WDR27: variants seen among roughly 807,000 people sequenced by gnomAD.
WDR27 encodes WD repeat domain 27.
Under a neutral mutation model 114.4 loss-of-function variants are expected in WDR27, and 100 were observed. That is an observed-to-expected ratio of 0.87 (90% confidence interval 0.74 to 1.03). The LOEUF (loss-of-function observed/expected upper bound fraction) is 1.03. Among genes scored for constraint, WDR27 ranks in the 50% least tolerant of loss-of-function variants. WDR27 has a pLI of 0.00. For synonymous variants in WDR27, 449 were observed against 423.1 expected, an observed-to-expected ratio of 1.06 and a Z score of -0.75; for missense variants, 1,129 against 1,092.9, an observed-to-expected ratio of 1.03 and a Z score of -0.47.
At chr6:169,449,403 A>G in the WDR27 span, among the ~76,000 whole-genome samples, 1 of 152,208 alleles carries the variant, frequency 6.6e-6, no homozygotes, top group Non-Finnish European at 1.5e-5. Flanking sequence ...TATGGAGACA[A>G]AGGAAAATTG....
chr6:169,560,417 AT>A (rs906671028), intron 25 of WDR27, among the ~76,000 whole-genome samples: 1 of 152,190 alleles, frequency 6.6e-6, no homozygotes, highest in African/African-American at 2.4e-5. Context: ...ACCTCAAACC[AT>A]TTTGTCTTTG....
At chr6:169,685,288 A>AAAC (rs1024703397) in intron 2 of WDR27, among the ~76,000 whole-genome samples, 1 of 152,084 alleles carries the variant, frequency 6.6e-6, no homozygotes, top group Non-Finnish European at 1.5e-5. Context: ...AGCCAAAAAC[A>AAAC]AACAACAACA....
At chr6:169,432,338 A>G in the WDR27 span, among the ~76,000 whole-genome samples, 3 of 152,334 alleles carry the variant, frequency 2.0e-5, no homozygotes, top group Admixed American at 2.0e-4. Context: ...CCAATCCAGT[A>G]TACTGGTAAC....
intron 16 of WDR27, among the ~76,000 whole-genome samples, chr6:169,647,386 C>T (rs898867043): frequency 1.3e-5 from 2 of 152,240 alleles, no homozygotes; most frequent in African/African-American, 4.8e-5. Flanking sequence ...TGAGCAGAGG[C>T]CGCGTCTCCA....
At chr6:169,587,210 T>C (rs1478233095) in intron 23 of WDR27, among the ~76,000 whole-genome samples, 1 of 136,826 alleles carries the variant, frequency 7.3e-6, no homozygotes, top group Non-Finnish European at 1.5e-5. Flanking sequence ...TCCTCAAGGA[T>C]TTTCTTTTTT....
intron 2 of WDR27, 25 bp from the exon 3 acceptor site, chr6:169,672,421 C>T: frequency 6.4e-7 from 1 of 1,556,428 alleles, no homozygotes; most frequent in Non-Finnish European, 8.7e-7. Context: ...AAAAATAAAA[C>T]ACAGATCACA....
intron 25 of WDR27, among the ~76,000 whole-genome samples, chr6:169,501,360 G>A (rs1484332964): frequency 6.6e-6 from 1 of 152,186 alleles, no homozygotes; most frequent in Non-Finnish European, 1.5e-5. Flanking sequence ...GACAGAGGGT[G>A]GCTGTTCTAA....
intron 25 of WDR27, among the ~76,000 whole-genome samples, chr6:169,483,223 A>G (rs1009378706): frequency 6.6e-6 from 1 of 152,212 alleles, no homozygotes; most frequent in Admixed American, 6.5e-5. Flanking sequence ...AAAACAATTC[A>G]AAAGATTAAC....
At chr6:169,651,513 A>G (rs962367247) in intron 14 of WDR27, among the ~76,000 whole-genome samples, 2 of 151,984 alleles carry the variant, frequency 1.3e-5, no homozygotes, top group Admixed American at 6.6e-5. Context: ...TCAGGGACTC[A>G]GGGCCTAAAT....
chr6:169,539,621 C>G (rs1037066137), intron 25 of WDR27, among the ~76,000 whole-genome samples: 1 of 152,204 alleles, frequency 6.6e-6, no homozygotes, highest in African/African-American at 2.4e-5. Flanking sequence ...CAGCCCTCCC[C>G]ACTCACAAGC....
chr6:169,555,993 G>A (rs1798825326), intron 25 of WDR27, among the ~76,000 whole-genome samples: 1 of 152,192 alleles, frequency 6.6e-6, no homozygotes, highest in Non-Finnish European at 1.5e-5. Context: ...GTAGAGGAGG[G>A]ACCCATGCCC....
intron 1 of WDR27, among the ~76,000 whole-genome samples, chr6:169,692,754 G>A (rs991992212): frequency 7.9e-5 from 12 of 152,034 alleles, no homozygotes; most frequent in Admixed American, 2.0e-4. Flanking sequence ...CCACTCCCAC[G>A]TCTCCCACAG....
intron 21 of WDR27, among the ~76,000 whole-genome samples, chr6:169,625,407 A>G (rs928409764): frequency 5.3e-5 from 8 of 152,222 alleles, no homozygotes; most frequent in African/African-American, 1.9e-4. Context: ...CCAACTACTG[A>G]GAGGCCAGGG....
At chr6:169,509,377 C>G (rs892657225) in intron 25 of WDR27, among the ~76,000 whole-genome samples, 59 of 152,222 alleles carry the variant, frequency 3.9e-4, no homozygotes, top group African/African-American at 1.3e-3. Flanking sequence ...TGACTTCAAA[C>G]TATACTACAA....
chr6:169,485,763 G>A (rs1788797257), intron 25 of WDR27, among the ~76,000 whole-genome samples: 1 of 152,146 alleles, frequency 6.6e-6, no homozygotes, highest in African/African-American at 2.4e-5. Flanking sequence ...CAACTTAAAT[G>A]CTTATCAATG....
intron 1 of WDR27, among the ~76,000 whole-genome samples, chr6:169,697,974 C>T (rs1473801959): frequency 1.3e-5 from 2 of 152,176 alleles, no homozygotes; most frequent in East Asian, 1.9e-4. Context: ...GGGCTGGTCC[C>T]TACAGGCAGA....
chr6:169,666,418 G>T, intron 6 of WDR27: 4 of 985,410 alleles, frequency 4.1e-6, no homozygotes, highest in Non-Finnish European at 4.8e-6. Context: ...GTCACTTACC[G>T]CATGGAAGAA....
chr6:169,606,528 T>C (rs1283461154), intron 22 of WDR27, among the ~76,000 whole-genome samples: 2 of 152,196 alleles, frequency 1.3e-5, no homozygotes, highest in African/African-American at 4.8e-5. Context: ...GTGTTCTCAT[T>C]GTTCAGCTCC....
At chr6:169,656,210 T>C (rs1584947977) in intron 13 of WDR27, among the ~76,000 whole-genome samples, 1 of 150,872 alleles carries the variant, frequency 6.6e-6, no homozygotes, top group Non-Finnish European at 1.5e-5. Context: ...AACTCAAAGA[T>C]GGGCACAGCA....
Sources: allele counts gnomAD v4.1 joint callset (sites outside exome capture counted in the v4.1 genomes callset), GRCh38; gene constraint gnomAD v4.1.1; transcripts MANE v1.5; gene names NCBI Gene and HGNC (gene_info 2026-07-23, HGNC 2026-07-21).